The following ZNF616 variants were observed in gnomAD, a reference collection of about 807,000 sequenced individuals.
The protein encoded by ZNF616 is zinc finger protein 616.
In ZNF616, 5 loss-of-function variants were observed where a neutral mutation model predicts 7.6. The ratio of observed to expected loss-of-function variants is 0.66; its 90% confidence interval spans 0.34 to 1.38. The LOEUF is 1.38. ZNF616 is among the 40% of genes most tolerant of loss of function. The pLI, the probability that ZNF616 is intolerant of heterozygous loss-of-function variation, is 0.04. For synonymous variants in ZNF616, 319 were observed against 317.2 expected (o/e 1.01, Z -0.06); for missense variants, 913 against 948.3 (o/e 0.96, Z 0.49).
At chr19:52,137,547 TC>T (rs2075162048) in intron 1 of ZNF616, among the ~76,000 whole-genome samples, 1 of 152,190 alleles carries the variant, frequency 6.6e-6, no homozygotes, top group African/African-American at 2.4e-5. Context: ...TACTGTATGT[TC>T]TCACAAGTAG....
chr19:52,116,439 T>C lies in ZNF616; in HGVS notation c.725A>G (p.Gln242Arg), dbSNP rs927498624. The change falls in exon 4 of 4, where the codon CAA becomes CGA. Residue 242 changes from glutamine to arginine, a missense_variant. Gln to Arg is a conservative substitution (Grantham distance 43, BLOSUM62 1). Coordinates refer to ENST00000600228, the MANE Select transcript of ZNF616 (RefSeq NM_178523.5). ...GAAGATCTTGCCACATACATCACAT[T>C]GATATGATTTCCCTCTTGTATGGAC... ...KVVHTRGKSY[Q>R]CDVCGKIFRK... 7 of 1,614,016 alleles carry C rather than the reference T, an allele frequency of 4.3e-6. No homozygotes were observed. Among genetic ancestry groups the C allele is most frequent in the Non-Finnish European group, 5.9e-6 (7 of 1,180,024 alleles).
chr19:52,129,244 A>C (rs576637856), intron 2 of ZNF616, among the ~76,000 whole-genome samples: 3 of 152,208 alleles, frequency 2.0e-5, no homozygotes, highest in Non-Finnish European at 1.5e-5. Context: ...ACGCCATTGT[A>C]GTCCGGCCTG....
At position 52,115,919 on chromosome 19, in the gene ZNF616, G is replaced by C. The variant is rs1276056926; in HGVS notation, c.1245C>G (p.Gly415=). ...VEKPCKCNEC[G]KVFSKRSSLA... is the part of the protein sequence containing the mutation. ...GACTTGAACGTTTACTGAAGACCTT[G>C]CCACATTCATTGCATTTGCAAGGTT... Residue 415 remains glycine (G), a synonymous_variant, in exon 4 of 4, where the codon GGC becomes GGG. Coordinates refer to ENST00000600228, the MANE Select transcript of ZNF616 (RefSeq NM_178523.5). The C allele has an allele frequency of 1.2e-6, 2 of 1,614,036 alleles. No homozygotes were observed. The highest frequency in any genetic ancestry group is 1.7e-5 in the Admixed American group (1 of 60,008).
chr19:52,135,394 C>A (rs763265063), intron 1 of ZNF616, among the ~76,000 whole-genome samples: 85 of 152,304 alleles, frequency 5.6e-4, no homozygotes, highest in Admixed American at 7.2e-4. Flanking sequence ...GATGCACATA[C>A]CCCAGTGAGA....
At chr19:52,117,964 AC>A (rs11284672) in intron 3 of ZNF616, among the ~76,000 whole-genome samples, 14,195 of 152,180 alleles carry the variant, frequency 0.093, 832 homozygotes, top group East Asian at 0.14. Context: ...TTTTCTTGAG[AC>A]AGAGTCTCAC....
At chr19:52,128,385 T>C (rs2122161698) in intron 2 of ZNF616, among the ~76,000 whole-genome samples, 1 of 152,306 alleles carries the variant, frequency 6.6e-6, no homozygotes, top group Middle Eastern at 3.4e-3. Context: ...TTTCATATTC[T>C]GTAGTTAAAT....
chr19:52,135,874 A>C (rs1414100035), intron 1 of ZNF616, among the ~76,000 whole-genome samples: 1 of 152,122 alleles, frequency 6.6e-6, no homozygotes, highest in Non-Finnish European at 1.5e-5. Flanking sequence ...CATGCCTGTA[A>C]TCCTAGCATG....
In ZNF616 at chr19:52,131,811, T is replaced by C. The variant is rs540240267; in HGVS notation, c.-76-1223A>G. Among the ~76,000 whole-genome samples, 7 of 152,296 alleles carry C rather than the reference T, an allele frequency of 4.6e-5. No homozygotes were observed. The South Asian group carries it at 1.0e-3, about 23-fold the overall frequency. On this transcript the variant is annotated intron_variant, in intron 1 of 3. Coordinates refer to ENST00000600228, the MANE Select transcript of ZNF616 (RefSeq NM_178523.5). Reference sequence around the variant, plus strand: ...TTGTTTAAATGAGTGGGAAGTCTCATGTGATGCTGGTGGGAGAGGGCACCT... The same window carrying C: ...TTGTTTAAATGAGTGGGAAGTCTCACGTGATGCTGGTGGGAGAGGGCACCT...
intron 2 of ZNF616, among the ~76,000 whole-genome samples, chr19:52,130,065 G>A (rs773225360): frequency 3.9e-5 from 6 of 152,122 alleles, no homozygotes; most frequent in South Asian, 2.1e-4. Flanking sequence ...GAGACACGGC[G>A]CCTGGCCCCT....
rs561653655 is a variant in ZNF616 at position 52,122,001 on chromosome 19, C to A, written c.139+1922G>T. ...TCCTTGAAGTGCAAGAAATGGGCTA[C>A]ATGTATAATAAAGTAAGATTTGAAA... is the stretch of plus-strand genomic sequence containing the variant. On this transcript the variant is annotated intron_variant, in intron 3 of 3. Transcript: ENST00000600228. 4.6e-4 allele frequency among the ~76,000 whole-genome samples: 69 copies of A among 150,782 alleles called. No homozygotes were observed. In the East Asian group the frequency reaches 0.01, roughly 23 times the overall value.
chr19:52,130,506 T>G lies in ZNF616; in HGVS notation c.7A>C (p.Thr3Pro). MA[T>P]QGHLTFKDVA... The stretch of plus-strand genomic sequence containing the variant: ...TGAGTAAAGTATCACTCTACCTGAG[T>G]AGCCATCACTGACTCCTTTTCCTTC... The change falls in exon 2 of 4, where the codon ACT becomes CCT. Residue 3 changes from threonine to proline, a missense_variant. Thr to Pro is a conservative substitution (Grantham distance 38). Coordinates refer to ENST00000600228, the MANE Select transcript of ZNF616 (RefSeq NM_178523.5). 6.2e-7 allele frequency: 1 copy of G among 1,611,486 alleles called. No homozygotes were observed. Among genetic ancestry groups the G allele is most frequent in the Middle Eastern group, 1.7e-4 (1 of 6,038 alleles).
intron 1 of ZNF616, among the ~76,000 whole-genome samples, chr19:52,135,848 G>A (rs2089002366): frequency 6.6e-6 from 1 of 152,164 alleles, no homozygotes. Flanking sequence ...TTGATGTTGG[G>A]CCGGGCACAG....
chr19:52,120,195 G>A (rs1318027005), intron 3 of ZNF616, among the ~76,000 whole-genome samples: 3 of 152,130 alleles, frequency 2.0e-5, no homozygotes, highest in Non-Finnish European at 1.5e-5. Context: ...ACATAACATG[G>A]GAGCAGACCT....
At position 52,115,818 on chromosome 19, in the gene ZNF616, T is replaced by C. The variant is rs2088815739; in HGVS notation, c.1346A>G (p.His449Arg). 1 of 1,608,688 alleles carries C rather than the reference T, an allele frequency of 6.2e-7. No individual in the cohort carries two copies. ...TCTCCAATGCACTGCAAGATGTGAA[T>C]GCTTACTGTACACCTTGCCACATTT... The part of the protein sequence containing the change: ...CNKCGKVYSK[H>R]SHLAVHWRIH... The change falls in exon 4 of 4, where the codon CAT (histidine) becomes CGT (arginine). Residue 449 changes from histidine to arginine, a missense_variant. His to Arg is a conservative substitution (Grantham distance 29, BLOSUM62 0). Transcript: ENST00000600228.
At position 52,139,180 on chromosome 19, in the gene ZNF616, C is replaced by T. The variant is rs553538103; in HGVS notation, c.-77+552G>A. 1.3e-5 allele frequency among the ~76,000 whole-genome samples: 2 copies of T among 152,252 alleles called. No individual in the cohort carries two copies. Among genetic ancestry groups the T allele is most frequent in the African/African-American group, 4.8e-5 (2 of 41,544 alleles). ...CCTCTCCTGATCCCTCTCACCCACACATTCAGGAGGAAAGGGGAGGAATAC... is the reference window on the plus strand; with the variant it reads ...CCTCTCCTGATCCCTCTCACCCACATATTCAGGAGGAAAGGGGAGGAATAC... On this transcript the variant is annotated intron_variant, in intron 1 of 3. Coordinates refer to ENST00000600228, the MANE Select transcript of ZNF616 (RefSeq NM_178523.5). The surrounding 1 kb of genome is among the most constrained non-coding windows in gnomAD (Gnocchi z 4.1).
Position 52,115,166 on chromosome 19 carries a change from A to C in ZNF616, c.1998T>G (p.Cys666Trp). The change falls in exon 4 of 4, where the codon TGT (cysteine) becomes TGG (tryptophan). Residue 666 changes from cysteine to tryptophan, a missense_variant. By Grantham distance (215) the Cys-to-Trp change is radical. Transcript: ENST00000600228. ...TGDRPYKCNE[C>W]GKTFKRSSNL... is the part of the protein sequence containing the mutation. ...TTGAGCTCCGTTTAAAGGTTTTGCC[A>C]CACTCATTACATTTGTAAGGTCTGT... 3 of 1,614,172 alleles carry C rather than the reference A, an allele frequency of 1.9e-6. No individual in the cohort carries two copies. The highest frequency in any genetic ancestry group is 2.5e-6 in the Non-Finnish European group (3 of 1,180,026).
intron 3 of ZNF616, among the ~76,000 whole-genome samples, chr19:52,119,487 G>A (rs117454048): frequency 7.1e-4 from 108 of 152,246 alleles, no homozygotes; most frequent in Admixed American, 1.8e-3. Context: ...TAATGGGAGT[G>A]TAAAACTTAT....
intron 3 of ZNF616, 26 bp downstream of exon 3, chr19:52,123,897 A>T (rs755570689): frequency 1.1e-5 from 17 of 1,613,306 alleles, no homozygotes; most frequent in Non-Finnish European, 1.4e-5. Flanking sequence ...GGCGAATCTG[A>T]ACTTCTAGAA....
chr19:52,123,012 C>T (rs1380358443), intron 3 of ZNF616, among the ~76,000 whole-genome samples: 1 of 152,158 alleles, frequency 6.6e-6, no homozygotes, highest in Non-Finnish European at 1.5e-5. Flanking sequence ...CTTATTACAA[C>T]ACTATTGAGT....
Sources: gnomAD v4.1 joint callset for allele counts (sites outside exome capture counted in the v4.1 genomes callset) on GRCh38, gnomAD v4.1.1 for gene constraint, Gnocchi (gnomAD v3.1) non-coding constraint, MANE v1.5 for transcripts, NCBI Gene and HGNC (gene_info 2026-07-23, HGNC 2026-07-21) for gene names.